Variants in KIAA1549 observed in about 807,000 individuals in gnomAD.
KIAA1549 encodes the protein UPF0606 protein KIAA1549.
Under a neutral mutation model 156.4 loss-of-function variants are expected in KIAA1549, and 70 were observed. That is an observed-to-expected ratio of 0.45 (90% CI 0.37 to 0.55). KIAA1549 has a LOEUF of 0.55. KIAA1549 is among the 20% of genes least tolerant of loss of function. The pLI, the probability that KIAA1549 is intolerant of heterozygous loss-of-function variation, is 0.00. For synonymous variants in KIAA1549, 1,103 were observed against 1,066.4 expected (o/e 1.03, Z -0.67); for missense variants, 2,428 against 2,540.9 (o/e 0.96, Z 0.96).
chr7:138,851,327 A>G (rs1469087199), intron 17 of KIAA1549, among the ~76,000 whole-genome samples: 1 of 151,822 alleles, frequency 6.6e-6, no homozygotes, highest in Non-Finnish European at 1.5e-5. Flanking sequence ...ATATTTAAGC[A>G]TTCTTTAGTG....
intron 10 of KIAA1549, among the ~76,000 whole-genome samples, chr7:138,882,250 AC>A (rs1416414344): frequency 6.6e-6 from 1 of 152,240 alleles, no homozygotes; most frequent in African/African-American, 2.4e-5. Flanking sequence ...TTAGCAGTGA[AC>A]ATGGGAAGGA....
chr7:138,871,786 G>T (rs576364392), intron 12 of KIAA1549, among the ~76,000 whole-genome samples: 1 of 152,220 alleles, frequency 6.6e-6, no homozygotes, highest in Non-Finnish European at 1.5e-5. Context: ...GAGCTCGCTG[G>T]AGTGATACAA....
chr7:138,874,168 T>C (rs929156140), intron 12 of KIAA1549, among the ~76,000 whole-genome samples: 1 of 151,102 alleles, frequency 6.6e-6, no homozygotes, highest in Non-Finnish European at 1.5e-5. Context: ...TGGGTAATAA[T>C]GATTAGTACA....
chr7:138,938,884 C>G (rs1377693088), intron 1 of KIAA1549, among the ~76,000 whole-genome samples: 1 of 152,064 alleles, frequency 6.6e-6, no homozygotes, highest in Non-Finnish European at 1.5e-5. Context: ...CCTGTGTCTA[C>G]TAAAAACACA....
chr7:138,922,208 T>C (rs181461853), intron 1 of KIAA1549, among the ~76,000 whole-genome samples: 44 of 152,350 alleles, frequency 2.9e-4, no homozygotes, highest in Admixed American at 7.2e-4. Flanking sequence ...CCTATACTAC[T>C]TGTATAGTCC....
chr7:138,879,672 T>C lies in KIAA1549; in HGVS notation c.4230-19A>G, dbSNP rs1448128059. Reference sequence around the variant, plus strand: ...AGAAACTCTGCAGACACAAAATGAATTGCAAACATTAGAAACAAGAAAGAA... The same window carrying C: ...AGAAACTCTGCAGACACAAAATGAACTGCAAACATTAGAAACAAGAAAGAA... On this transcript the variant is annotated intron_variant, in intron 11 of 19. Coordinates refer to ENST00000422774, the MANE Select transcript of KIAA1549 (RefSeq NM_001164665.2). 1.5e-6 allele frequency: 2 copies of C among 1,368,630 alleles called. No homozygotes were observed. Among genetic ancestry groups the C allele is most frequent in the African/African-American group, 2.9e-5 (2 of 68,744 alleles). 84.8% of individuals were successfully genotyped at this position (1,368,630 alleles called of 1,614,324 possible). A position where few individuals can be genotyped will look rare whatever the true frequency, so the allele number is the denominator to read the frequency against.
rs1809695952 is a variant in KIAA1549, at chr7:138,835,999, C to T, written c.*1907G>A. 4.7e-6 allele frequency: 1 copy of T among 212,052 alleles called. No individual in the cohort carries two copies. The highest frequency in any genetic ancestry group is 2.3e-5 in the African/African-American group (1 of 44,132). The allele number at this position is 212,052 out of a possible 1,614,324, so 13.1% of individuals were successfully genotyped here. On this transcript the variant is annotated 3_prime_UTR_variant, in exon 20 of 20. Coordinates refer to ENST00000422774, the MANE Select transcript of KIAA1549 (RefSeq NM_001164665.2). Reference sequence around the variant, plus strand: ...ATTGTAAGACTCTAAATCTGTACAACAGGCTTCATTAATGAAGGGCTAAAA... The same window carrying T: ...ATTGTAAGACTCTAAATCTGTACAATAGGCTTCATTAATGAAGGGCTAAAA...
rs115152294 is a variant in KIAA1549, at chr7:138,838,097, C to T, written c.5662G>A (p.Gly1888Ser). ...CCGGAAGGAGCTGAGGGCTCCCTGCCTGAAGTCCTTGGCACCTGAAATAGC... is the reference window on the plus strand; with the variant it reads ...CCGGAAGGAGCTGAGGGCTCCCTGCTTGAAGTCCTTGGCACCTGAAATAGC... ...SPLFQVPRTSGREPSAPSGNL... is the reference protein window; with the variant it reads ...SPLFQVPRTSSREPSAPSGNL... The change falls in exon 20 of 20, where the codon GGC becomes AGC. Residue 1888 changes from glycine (G) to serine (S), a missense_variant. Physicochemically the swap from Gly to Ser is moderately conservative, Grantham distance 56. Transcript: ENST00000422774. The T allele has an allele frequency of 6.9e-4, 1,087 of 1,566,832 alleles. 8 individuals carry two copies. In the African/African-American group the frequency reaches 0.013, roughly 19 times the overall value.
chr7:138,942,793 C>T (rs1813222100), intron 1 of KIAA1549, among the ~76,000 whole-genome samples: 1 of 151,974 alleles, frequency 6.6e-6, no homozygotes, highest in South Asian at 2.1e-4. Flanking sequence ...ACCTGCAGTC[C>T]CAGCTACTCG....
chr7:138,944,320 T>C (rs1199145584), intron 1 of KIAA1549, among the ~76,000 whole-genome samples: 1 of 152,124 alleles, frequency 6.6e-6, no homozygotes, highest in Non-Finnish European at 1.5e-5. Flanking sequence ...TTAATATCAT[T>C]TGTCATCAAG....
At chr7:138,840,370 AC>A in intron 18 of KIAA1549, 92 bp from the exon 19 acceptor site, 4 of 1,108,842 alleles carry the variant, frequency 3.6e-6, no homozygotes, top group South Asian at 3.1e-5. Flanking sequence ...GTCAACTCTG[AC>A]CACTACACTC....
intron 1 of KIAA1549, among the ~76,000 whole-genome samples, chr7:138,975,428 G>A (rs372950908): frequency 0.05 from 7,211 of 143,530 alleles, 567 homozygotes; most frequent in African/African-American, 0.2. Flanking sequence ...AACAGAAAAA[G>A]GACAGATGCT....
intron 8 of KIAA1549, among the ~76,000 whole-genome samples, chr7:138,900,993 T>C (rs1811825709): frequency 1.3e-5 from 2 of 152,220 alleles, no homozygotes. Context: ...CAAGAAAATC[T>C]AATCCCAGTA....
chr7:138,920,945 T>C lies in KIAA1549; in HGVS notation c.188-1507A>G, dbSNP rs531426067. Among the ~76,000 whole-genome samples, 4 of 152,318 alleles carry C rather than the reference T, an allele frequency of 2.6e-5. No individual in the cohort carries two copies. In the East Asian group the frequency reaches 7.7e-4, roughly 29 times the overall value. On this transcript the variant is annotated intron_variant, in intron 1 of 19. Transcript: ENST00000422774. ...TAATAAATGTTTAAAAACCATCTTC[T>C]AAGTGACTGGATGGCCTGCAAGACA...
chr7:138,926,156 T>C (rs914838438), intron 1 of KIAA1549, among the ~76,000 whole-genome samples: 2 of 152,250 alleles, frequency 1.3e-5, no homozygotes, highest in African/African-American at 4.8e-5. Context: ...CTCAAGTCTC[T>C]GTGGCTATGA....
intron 17 of KIAA1549, among the ~76,000 whole-genome samples, chr7:138,849,439 T>C (rs1810173174): frequency 1.3e-5 from 2 of 152,160 alleles, no homozygotes; most frequent in African/African-American, 4.8e-5. Context: ...ATTTGACATG[T>C]TATATTTTCA....
chr7:138,912,655 T>C (rs1171443535), intron 2 of KIAA1549, among the ~76,000 whole-genome samples, 195 bp from the exon 3 acceptor site: 1 of 151,896 alleles, frequency 6.6e-6, no homozygotes, highest in African/African-American at 2.4e-5. Flanking sequence ...AGAACAGCAG[T>C]GGGGACCTTG....
At chr7:138,966,752 CT>C (rs909721848) in intron 1 of KIAA1549, among the ~76,000 whole-genome samples, 1 of 152,080 alleles carries the variant, frequency 6.6e-6, no homozygotes, top group African/African-American at 2.4e-5. Context: ...AGGATCAATA[CT>C]TTGCATCCTT....
intron 1 of KIAA1549, among the ~76,000 whole-genome samples, chr7:138,921,779 C>T (rs1263882470): frequency 2.6e-5 from 4 of 152,074 alleles, no homozygotes; most frequent in African/African-American, 4.8e-5. Flanking sequence ...GCAGGAGAAT[C>T]GCTTGAACCC....
Sources: allele counts gnomAD v4.1 joint callset (sites outside exome capture counted in the v4.1 genomes callset), GRCh38; gene constraint gnomAD v4.1.1; transcripts MANE v1.5; gene names NCBI Gene and HGNC (gene_info 2026-07-23, HGNC 2026-07-21).